The following STPG2 variants were observed in gnomAD, a reference collection of about 807,000 sequenced individuals.
STPG2 encodes sperm-tail PG-rich repeat-containing protein 2.
Under a neutral mutation model 54.2 loss-of-function variants are expected in STPG2, and 56 were observed. The observed-to-expected ratio is 1.03, with a 90% CI of 0.83 to 1.29. The LOEUF is 1.29. Among genes scored for constraint, STPG2 ranks in the 50% most tolerant of loss-of-function variants. The probability of loss-of-function intolerance (pLI) is 0.00; values close to 1 mark genes in which losing one functional copy is unlikely to be tolerated. For synonymous variants in STPG2, 200 were observed against 181.8 expected, an observed-to-expected ratio of 1.10 and a Z score of -0.81; for missense variants, 596 against 544.9, an observed-to-expected ratio of 1.09 and a Z score of -0.93.
chr4:97,566,452 G>T (rs182311577), intron 10 of STPG2, among the ~76,000 whole-genome samples: 1 of 152,074 alleles, frequency 6.6e-6, no homozygotes, highest in East Asian at 1.9e-4. Flanking sequence ...ACTGTCCTGC[G>T]CCCACTGTCT....
chr4:98,034,274 G>A (rs943306201), intron 5 of STPG2, among the ~76,000 whole-genome samples: 5 of 152,082 alleles, frequency 3.3e-5, no homozygotes, highest in Admixed American at 6.6e-5. Context: ...CAAAATCAAG[G>A]TGCAAAAATC....
At chr4:97,946,432 C>T (rs1170742904) in intron 7 of STPG2, among the ~76,000 whole-genome samples, 1 of 151,926 alleles carries the variant, frequency 6.6e-6, no homozygotes, top group Non-Finnish European at 1.5e-5. Flanking sequence ...GTTTTAGTTC[C>T]ATTTGCTTTG....
chr4:97,897,762 C>A (rs1731015640), intron 8 of STPG2, among the ~76,000 whole-genome samples: 1 of 151,950 alleles, frequency 6.6e-6, no homozygotes, highest in South Asian at 2.1e-4. Context: ...TTTTGTTTTT[C>A]TCTTGTAAAT....
At chr4:98,022,815 C>T (rs1190863826) in intron 5 of STPG2, among the ~76,000 whole-genome samples, 1 of 152,170 alleles carries the variant, frequency 6.6e-6, no homozygotes, top group Non-Finnish European at 1.5e-5. Flanking sequence ...CGCATCGGCT[C>T]CTGAGGCTTC....
At chr4:97,952,730 G>T (rs1733520766) in intron 7 of STPG2, among the ~76,000 whole-genome samples, 1 of 152,182 alleles carries the variant, frequency 6.6e-6, no homozygotes, top group African/African-American at 2.4e-5. Context: ...GCCTTAGTGT[G>T]TTGGTTTTCT....
intron 5 of STPG2, among the ~76,000 whole-genome samples, chr4:97,986,944 A>G (rs1734849489): frequency 6.6e-6 from 1 of 152,188 alleles, no homozygotes; most frequent in Non-Finnish European, 1.5e-5. Flanking sequence ...CATACTTTCT[A>G]TCTTCTGAAA....
chr4:97,602,777 C>T (rs914641333), intron 10 of STPG2, among the ~76,000 whole-genome samples: 1 of 151,602 alleles, frequency 6.6e-6, no homozygotes, highest in Admixed American at 6.6e-5. Context: ...TACAAGGATT[C>T]ATTATTTTAC....
At chr4:98,069,310 T>TACTAC (rs1279334254) in intron 5 of STPG2, among the ~76,000 whole-genome samples, 4 of 152,200 alleles carry the variant, frequency 2.6e-5, no homozygotes, top group Middle Eastern at 3.4e-3. Flanking sequence ...GAGTAGTAAT[T>TACTAC]ATCTTAGAAA....
intron 5 of STPG2, among the ~76,000 whole-genome samples, chr4:98,065,507 G>T (rs1486613244): frequency 6.6e-6 from 1 of 152,120 alleles, no homozygotes; most frequent in African/African-American, 2.4e-5. Context: ...AAATAGCCCA[G>T]AAACTGATCC....
intron 3 of STPG2, among the ~76,000 whole-genome samples, chr4:98,110,979 A>C (rs2110145931): frequency 6.6e-6 from 1 of 152,276 alleles, no homozygotes; most frequent in East Asian, 1.9e-4. Context: ...ATTTTAAAAG[A>C]AGTATATCAA....
intron 5 of STPG2, among the ~76,000 whole-genome samples, chr4:98,096,334 C>G (rs1593569): frequency 0.39 from 59,459 of 151,740 alleles, 11,875 homozygotes; most frequent in Middle Eastern, 0.46. Context: ...GAAGTCAAGG[C>G]TGCAGTGAGC....
rs377295962 is a variant in STPG2 at position 97,451,609 on chromosome 4, AG to A, written c.462+261089del. 1.1e-3 allele frequency among the ~76,000 whole-genome samples: 162 copies of A among 152,346 alleles called. 1 individual carries two copies. The highest frequency in any genetic ancestry group is 3.7e-3 in the African/African-American group (154 of 41,586). The stretch of plus-strand genomic sequence containing the variant: ...GATAAATAACATAGTGAAATGTGCC[AG>A]AAAATACAGAAGGAAATAAGATCTA... On this transcript the variant is annotated intron_variant, in intron 4 of 4. Transcript: ENST00000522676.
At chr4:97,785,212 C>T (rs996701546) in intron 9 of STPG2, among the ~76,000 whole-genome samples, 2 of 151,750 alleles carry the variant, frequency 1.3e-5, no homozygotes, top group African/African-American at 4.8e-5. Flanking sequence ...TAAATGAAAA[C>T]CAAATTTGGC....
At chr4:98,031,544 G>T (rs783918) in intron 5 of STPG2, among the ~76,000 whole-genome samples, 1 of 151,818 alleles carries the variant, frequency 6.6e-6, no homozygotes, top group Non-Finnish European at 1.5e-5. Flanking sequence ...TGGGCGTGGT[G>T]GCCTGTAGTC....
chr4:97,476,632 T>C (rs967469522), intron 4 of STPG2, among the ~76,000 whole-genome samples: 1 of 152,200 alleles, frequency 6.6e-6, no homozygotes, highest in Non-Finnish European at 1.5e-5. Context: ...TTTAATATTA[T>C]GCTTGCTATG....
chr4:97,946,867 C>A (rs1259131690), intron 7 of STPG2, among the ~76,000 whole-genome samples: 1 of 152,116 alleles, frequency 6.6e-6, no homozygotes. Context: ...ATTGCTTTGG[C>A]TAAGCAGGCT....
At chr4:97,632,506 G>A (rs1721323572) in intron 10 of STPG2, among the ~76,000 whole-genome samples, 1 of 151,956 alleles carries the variant, frequency 6.6e-6, no homozygotes, top group South Asian at 2.1e-4. Flanking sequence ...TGCCTTACAT[G>A]TTTCAATAAA....
chr4:97,995,081 G>A (rs1735158910), intron 5 of STPG2, among the ~76,000 whole-genome samples: 1 of 151,984 alleles, frequency 6.6e-6, no homozygotes, highest in African/African-American at 2.4e-5. Flanking sequence ...CAGGAAAGTG[G>A]TAGAAAGCCA....
chr4:97,445,149 A>C (rs1729189252), intron 4 of STPG2, among the ~76,000 whole-genome samples: 2 of 152,320 alleles, frequency 1.3e-5, no homozygotes, highest in East Asian at 1.9e-4. Flanking sequence ...AAATTAAATA[A>C]AATCATTTAA....
Sources: allele counts gnomAD v4.1 joint callset (sites outside exome capture counted in the v4.1 genomes callset), GRCh38; gene constraint gnomAD v4.1.1; transcripts MANE v1.5; gene names NCBI Gene and HGNC (gene_info 2026-07-23, HGNC 2026-07-21).